LINGO2: variants seen among roughly 807,000 people sequenced by gnomAD.
The protein encoded by LINGO2 is leucine-rich repeat and immunoglobulin-like domain-containing nogo receptor-interacting protein 2.
A neutral mutation model predicts 30.6 loss-of-function variants in LINGO2; 14 were observed. The observed-to-expected ratio is 0.46, with a 90% CI of 0.30 to 0.72. LINGO2 has a LOEUF of 0.72. LINGO2 is among the 30% of genes least tolerant of loss of function. LINGO2 has a pLI of 0.07. For synonymous variants in LINGO2, 317 were observed against 288.5 expected (o/e 1.10, Z -1.00); for missense variants, 729 against 751.7 (o/e 0.97, Z 0.35).
chr9:28,452,990 T>A (rs1372467413), intron 2 of LINGO2, among the ~76,000 whole-genome samples: 2 of 151,866 alleles, frequency 1.3e-5, no homozygotes, highest in African/African-American at 2.4e-5. Context: ...GCCAAATATA[T>A]AAAATTGGGA....
chr9:28,780,756 T>A, the LINGO2 span, among the ~76,000 whole-genome samples: 2 of 151,820 alleles, frequency 1.3e-5, no homozygotes, highest in Non-Finnish European at 2.9e-5. Flanking sequence ...ATTTCACCAA[T>A]AATAATGCAC....
intron 4 of LINGO2, among the ~76,000 whole-genome samples, chr9:28,050,734 A>T (rs913732814): frequency 6.6e-6 from 1 of 151,006 alleles, no homozygotes; most frequent in South Asian, 2.1e-4. Flanking sequence ...CTAAACACCT[A>T]AAGAGTTGGG....
At chr9:28,525,785 G>A (rs573601254) in intron 1 of LINGO2, among the ~76,000 whole-genome samples, 10 of 152,286 alleles carry the variant, frequency 6.6e-5, no homozygotes, top group Admixed American at 5.2e-4. Context: ...GCCGGGCGCA[G>A]TGGCTCACGC....
chr9:28,958,962 A>G, the LINGO2 span, among the ~76,000 whole-genome samples: 1 of 152,130 alleles, frequency 6.6e-6, no homozygotes, highest in Non-Finnish European at 1.5e-5. Context: ...ACATGGGACA[A>G]TGTTCAACAG....
chr9:28,957,769 A>G, the LINGO2 span, among the ~76,000 whole-genome samples: 2 of 152,196 alleles, frequency 1.3e-5, no homozygotes, highest in Non-Finnish European at 1.5e-5. Context: ...ATCTACCTGA[A>G]GATTTTAACA....
At chr9:29,146,091 G>T in the LINGO2 span, among the ~76,000 whole-genome samples, 1 of 152,092 alleles carries the variant, frequency 6.6e-6, no homozygotes, top group Admixed American at 6.6e-5. Flanking sequence ...TACTGGTAAG[G>T]TATAAAAAAA....
intron 1 of LINGO2, among the ~76,000 whole-genome samples, chr9:28,552,579 A>G (rs905423479): frequency 3.3e-5 from 5 of 151,686 alleles, no homozygotes; most frequent in African/African-American, 1.2e-4. Context: ...GACTGGGAAC[A>G]TGGTCACATG....
At chr9:28,380,038 C>G (rs565293993) in intron 2 of LINGO2, among the ~76,000 whole-genome samples, 19 of 152,108 alleles carry the variant, frequency 1.2e-4, no homozygotes, top group African/African-American at 4.1e-4. Context: ...TTTTTATTTA[C>G]AGATTATTTA....
chr9:28,882,889 T>C, the LINGO2 span, among the ~76,000 whole-genome samples: 1 of 152,312 alleles, frequency 6.6e-6, no homozygotes, highest in Admixed American at 6.5e-5. Flanking sequence ...CACCATCTTC[T>C]CCTGAGCTAT....
intron 2 of LINGO2, among the ~76,000 whole-genome samples, chr9:28,458,812 T>G (rs748112398): frequency 6.6e-6 from 1 of 152,144 alleles, no homozygotes; most frequent in Non-Finnish European, 1.5e-5. Flanking sequence ...CTACAAATGT[T>G]AAACTCATTG....
At chr9:28,007,235 G>A (rs143711683) in intron 5 of LINGO2, among the ~76,000 whole-genome samples, 84 of 152,134 alleles carry the variant, frequency 5.5e-4, no homozygotes, top group African/African-American at 1.9e-3. Context: ...CAGCCTCATC[G>A]TCCACGTTAG....
intron 5 of LINGO2, among the ~76,000 whole-genome samples, chr9:27,989,254 A>G (rs1821271343): frequency 6.6e-6 from 1 of 151,844 alleles, no homozygotes; most frequent in Non-Finnish European, 1.5e-5. Context: ...CTGATTTATT[A>G]TTATTCAAAG....
the LINGO2 span, among the ~76,000 whole-genome samples, chr9:29,019,388 C>T: frequency 6.6e-6 from 1 of 152,130 alleles, no homozygotes; most frequent in Non-Finnish European, 1.5e-5. Flanking sequence ...CTAGTGTAGG[C>T]ATTACAGTTT....
chr9:29,103,390 T>C, the LINGO2 span, among the ~76,000 whole-genome samples: 2 of 152,158 alleles, frequency 1.3e-5, no homozygotes, highest in African/African-American at 4.8e-5. Context: ...TAGTATTCCC[T>C]GATCAAAATT....
the LINGO2 span, among the ~76,000 whole-genome samples, chr9:29,128,925 TA>T: frequency 4.6e-5 from 7 of 152,142 alleles, no homozygotes; most frequent in African/African-American, 1.7e-4. Flanking sequence ...GTGAATTAAG[TA>T]TAACTTTTTA....
the LINGO2 span, among the ~76,000 whole-genome samples, chr9:29,091,488 T>C: frequency 1.5e-4 from 23 of 151,970 alleles, no homozygotes; most frequent in South Asian, 4.8e-3. Flanking sequence ...GTCAGATGAG[T>C]GTACAACAGC....
At chr9:28,938,000 T>C in the LINGO2 span, among the ~76,000 whole-genome samples, 12 of 152,182 alleles carry the variant, frequency 7.9e-5, no homozygotes, top group African/African-American at 2.7e-4. Flanking sequence ...TTATGTTTTC[T>C]TATCATTTAG....
intron 5 of LINGO2, among the ~76,000 whole-genome samples, chr9:27,971,294 T>C (rs1463487325): frequency 2.6e-5 from 4 of 152,030 alleles, no homozygotes. Context: ...CCCTTCCCCA[T>C]CTTTCCCTCT....
At chr9:27,972,430 T>C (rs2118781654) in intron 5 of LINGO2, among the ~76,000 whole-genome samples, 1 of 152,326 alleles carries the variant, frequency 6.6e-6, no homozygotes, top group Admixed American at 6.5e-5. Flanking sequence ...CTTCTTATCC[T>C]AATCTTCGTT....
Sources: gnomAD v4.1 joint callset for allele counts (sites outside exome capture counted in the v4.1 genomes callset) on GRCh38, gnomAD v4.1.1 for gene constraint, MANE v1.5 for transcripts, NCBI Gene and HGNC (gene_info 2026-07-23, HGNC 2026-07-21) for gene names.